Variants in QTMAN observed in about 807,000 individuals in gnomAD.
QTMAN encodes tRNA-queuosine alpha-mannosyltransferase.
chr2:144,285,205 T>C, the QTMAN span, among the ~76,000 whole-genome samples: 1 of 152,192 alleles, frequency 6.6e-6, no homozygotes. Flanking sequence ...AATTCCTTCT[T>C]AGGTTTTTCT....
At chr2:144,205,123 C>T in the QTMAN span, among the ~76,000 whole-genome samples, 1 of 151,928 alleles carries the variant, frequency 6.6e-6, no homozygotes, top group Non-Finnish European at 1.5e-5. Flanking sequence ...TGCACATGTA[C>T]CCTAAAACTT....
the QTMAN span, among the ~76,000 whole-genome samples, chr2:143,963,418 A>G: frequency 6.6e-6 from 1 of 151,910 alleles, no homozygotes; most frequent in South Asian, 2.1e-4. Context: ...TTGTGTTATC[A>G]TAAGTTTGTG....
chr2:144,269,740 A>G, the QTMAN span, among the ~76,000 whole-genome samples: 2 of 152,112 alleles, frequency 1.3e-5, no homozygotes, highest in Admixed American at 1.3e-4. Context: ...AAAGAACACT[A>G]AACTAGAAAT....
the QTMAN span, among the ~76,000 whole-genome samples, chr2:144,096,752 T>C: frequency 6.6e-6 from 1 of 152,258 alleles, no homozygotes; most frequent in Non-Finnish European, 1.5e-5. Context: ...TTTACATTGT[T>C]CACTGCTGAA....
At chr2:144,226,560 G>A in the QTMAN span, among the ~76,000 whole-genome samples, 1 of 152,052 alleles carries the variant, frequency 6.6e-6, no homozygotes, top group African/African-American at 2.4e-5. Context: ...AATATTAAAA[G>A]GGCTTCCTTT....
chr2:144,090,823 T>G, the QTMAN span, among the ~76,000 whole-genome samples: 1 of 152,008 alleles, frequency 6.6e-6, no homozygotes, highest in African/African-American at 2.4e-5. Context: ...GAGGGCTTTT[T>G]TTTCCCCTAG....
chr2:144,060,149 TAA>T, the QTMAN span, among the ~76,000 whole-genome samples: 1 of 145,566 alleles, frequency 6.9e-6, no homozygotes, highest in Non-Finnish European at 1.5e-5. Flanking sequence ...TTGGCTCCAC[TAA>T]AAAAAAAAGT....
chr2:144,054,126 G>T, the QTMAN span, among the ~76,000 whole-genome samples: 11 of 151,988 alleles, frequency 7.2e-5, no homozygotes, highest in Non-Finnish European at 1.5e-4. Context: ...AGGCGGAGCT[G>T]GCAGTGAGCA....
the QTMAN span, among the ~76,000 whole-genome samples, chr2:144,301,448 C>T: frequency 2.0e-5 from 3 of 152,312 alleles, no homozygotes; most frequent in South Asian, 6.2e-4. Context: ...GTCTCAAACT[C>T]CTGACCTCAG....
chr2:144,080,294 C>A, the QTMAN span, among the ~76,000 whole-genome samples: 2 of 152,052 alleles, frequency 1.3e-5, no homozygotes, highest in African/African-American at 4.8e-5. Flanking sequence ...GAAAGAATGA[C>A]ATCCTTAACA....
the QTMAN span, among the ~76,000 whole-genome samples, chr2:144,290,273 T>C: frequency 0.033 from 4,990 of 152,268 alleles, 126 homozygotes; most frequent in Non-Finnish European, 0.051. Context: ...AGTTGCTTAG[T>C]CCAAACTTTC....
At chr2:144,037,429 C>A in the QTMAN span, among the ~76,000 whole-genome samples, 2 of 152,152 alleles carry the variant, frequency 1.3e-5, no homozygotes, top group African/African-American at 2.4e-5. Context: ...CAACCCTCAC[C>A]TAATGCCACC....
chr2:144,109,383 C>G, the QTMAN span, among the ~76,000 whole-genome samples: 7 of 152,124 alleles, frequency 4.6e-5, no homozygotes, highest in Non-Finnish European at 2.9e-5. Flanking sequence ...ATACCTTACA[C>G]AAAAATTAAT....
chr2:144,126,121 C>A, the QTMAN span, among the ~76,000 whole-genome samples: 1 of 151,932 alleles, frequency 6.6e-6, no homozygotes, highest in Non-Finnish European at 1.5e-5. Flanking sequence ...CCTGAGGACA[C>A]TTGCAGACAG....
chr2:144,189,011 T>C, the QTMAN span, among the ~76,000 whole-genome samples: 1 of 152,240 alleles, frequency 6.6e-6, no homozygotes, highest in African/African-American at 2.4e-5. Context: ...GTTATATTTA[T>C]ACTTACAATC....
the QTMAN span, among the ~76,000 whole-genome samples, chr2:144,189,570 C>T: frequency 6.6e-6 from 1 of 152,194 alleles, no homozygotes; most frequent in East Asian, 1.9e-4. Flanking sequence ...GCCTACAGGA[C>T]ATTATAAGTA....
the QTMAN span, among the ~76,000 whole-genome samples, chr2:144,091,923 A>C: frequency 6.6e-6 from 1 of 152,222 alleles, no homozygotes; most frequent in African/African-American, 2.4e-5. Flanking sequence ...AAGAAGTCAG[A>C]TAAAAAGAAG....
At chr2:144,072,839 T>G in the QTMAN span, among the ~76,000 whole-genome samples, 1 of 152,228 alleles carries the variant, frequency 6.6e-6, no homozygotes, top group African/African-American at 2.4e-5. Flanking sequence ...AAGACAAGAC[T>G]TAAATTTAGT....
chr2:144,328,066 C>T, the QTMAN span, among the ~76,000 whole-genome samples: 1,038 of 152,264 alleles, frequency 6.8e-3, 6 homozygotes, highest in Middle Eastern at 0.034. Context: ...ATTCTCCTGC[C>T]TCAGCCTCCG....
Sources: gnomAD v4.1 joint callset for allele counts (sites outside exome capture counted in the v4.1 genomes callset) on GRCh38, gnomAD v4.1.1 for gene constraint, MANE v1.5 for transcripts, NCBI Gene and HGNC (gene_info 2026-07-23, HGNC 2026-07-21) for gene names.